The following USP7 variants were observed in gnomAD, a reference collection of about 807,000 sequenced individuals.
USP7 encodes ubiquitin specific peptidase 7.
In USP7, 9 loss-of-function variants were observed where a neutral mutation model predicts 162.9. The observed-to-expected ratio is 0.06, with a 90% confidence interval of 0.03 to 0.10. USP7 has a LOEUF of 0.10. Ranked by LOEUF, USP7 falls within the 10% of genes least tolerant of loss-of-function variation. USP7 has a pLI of 1.00. For synonymous variants in USP7, 562 were observed against 475.9 expected (o/e 1.18, Z -2.35); for missense variants, 715 against 1,373.7 (o/e 0.52, Z 7.58).
At chr16:8,948,909 A>T (rs950870001) in intron 1 of USP7, among the ~76,000 whole-genome samples, 3 of 152,096 alleles carry the variant, frequency 2.0e-5, no homozygotes, top group Non-Finnish European at 2.9e-5. Flanking sequence ...GGCTGCAATG[A>T]GCTATGATCA....
At chr16:8,961,575 A>C (rs1255875279) in intron 1 of USP7, among the ~76,000 whole-genome samples, 1 of 150,762 alleles carries the variant, frequency 6.6e-6, no homozygotes. Context: ...TCTGTAACAC[A>C]CATGCTCTGC....
intron 1 of USP7, chr16:8,962,957 G>T (rs1028345004): frequency 7.0e-5 from 15 of 214,884 alleles, no homozygotes; most frequent in Admixed American, 1.2e-4. Context: ...AGGGCGCTTT[G>T]TGCCGCGGAG....
chr16:8,896,165 G>C (rs1021004632), intron 26 of USP7, among the ~76,000 whole-genome samples: 1 of 147,248 alleles, frequency 6.8e-6, no homozygotes, highest in Admixed American at 6.8e-5. Context: ...TTTTTAAAGA[G>C]GATCTGAAAT....
At chr16:8,905,358 A>C in intron 13 of USP7, 27 bp from the exon 14 acceptor site, 1 of 1,610,422 alleles carries the variant, frequency 6.2e-7, no homozygotes, top group Middle Eastern at 1.7e-4. Flanking sequence ...ACACACCAGC[A>C]GCGATCAAGC....
chr16:8,900,062 T>C (rs1205892678), intron 21 of USP7: 1 of 452,494 alleles, frequency 2.2e-6, no homozygotes, highest in African/African-American at 2.0e-5. Context: ...ACGCAGTGTC[T>C]TGCCCACAGA....
intron 3 of USP7, among the ~76,000 whole-genome samples, chr16:8,921,858 C>T (rs1897710580): frequency 6.6e-6 from 1 of 152,170 alleles, no homozygotes; most frequent in Admixed American, 6.5e-5. Flanking sequence ...GTTCAAAAAC[C>T]ATACATACAG....
chr16:8,956,711 C>T (rs922419636), intron 1 of USP7, among the ~76,000 whole-genome samples: 9 of 151,442 alleles, frequency 5.9e-5, no homozygotes, highest in South Asian at 2.1e-4. Flanking sequence ...TGCAGTGAGC[C>T]GAGATCGTCC....
intron 26 of USP7, 43 bp downstream of exon 26, chr16:8,896,956 A>G: frequency 6.8e-7 from 1 of 1,478,522 alleles, no homozygotes; most frequent in Non-Finnish European, 9.5e-7. Context: ...GTTAACTGCC[A>G]CCCCTAACTG....
chr16:8,895,814 G>C, intron 26 of USP7, 73 bp from the exon 27 acceptor site: 3 of 1,011,736 alleles, frequency 3.0e-6, no homozygotes, highest in Non-Finnish European at 4.2e-6. Context: ...TGGTTTTCTA[G>C]AAAGAAATAA....
chr16:8,938,476 G>T (rs965156507), intron 1 of USP7, among the ~76,000 whole-genome samples: 2 of 152,192 alleles, frequency 1.3e-5, no homozygotes, highest in Non-Finnish European at 2.9e-5. Flanking sequence ...ACTGTAGGAG[G>T]CCGAGGCAGG....
In USP7 at chr16:8,910,801, C is replaced by T. The variant is rs1352445138; in HGVS notation, c.1105G>A (p.Ala369Thr). Residue 369 changes from alanine (A) to threonine (T), a missense_variant, in exon 11 of 31, where the codon GCA (alanine) becomes ACA (threonine). Around this residue, in one of 11 missense-constraint regions of USP7, gnomAD observed 21 missense variants for 23.8 expected, o/e 0.88. Coordinates refer to ENST00000344836, the MANE Select transcript of USP7 (RefSeq NM_003470.3). ...TTGTCCCCATCGAGCTGTTCTACTGCCACATAATCCACAAATGATTCAAAT... is the reference window on the plus strand; with the variant it reads ...TTGTCCCCATCGAGCTGTTCTACTGTCACATAATCCACAAATGATTCAAAT... ...NIFESFVDYV[A>T]VEQLDGDNKY... 12 of 1,613,874 alleles carry T rather than the reference C, an allele frequency of 7.4e-6. No individual in the cohort carries two copies. Among genetic ancestry groups the T allele is most frequent in the Non-Finnish European group, 9.3e-6 (11 of 1,180,008 alleles).
chr16:8,960,312 G>T (rs147036040), intron 1 of USP7, among the ~76,000 whole-genome samples: 200 of 152,166 alleles, frequency 1.3e-3, no homozygotes, highest in African/African-American at 4.4e-3. Flanking sequence ...TTCCCTCTCC[G>T]CACTTCACCC....
intron 24 of USP7, 44 bp downstream of exon 24, chr16:8,898,487 G>C (rs1432228026): frequency 1.2e-6 from 2 of 1,603,426 alleles, no homozygotes; most frequent in Admixed American, 1.7e-5. Context: ...AAAACCCCGA[G>C]CCTTCTCTTT....
intron 23 of USP7, 100 bp downstream of exon 23, chr16:8,899,021 G>A: frequency 7.8e-7 from 1 of 1,282,754 alleles, no homozygotes; most frequent in South Asian, 1.3e-5. Context: ...ACTGTCAGGT[G>A]AAATGGCGAG....
rs796991836 is a variant in USP7 at position 8,919,018 on chromosome 16, A to G, written c.720+13T>C. 2 of 1,612,220 alleles carry G rather than the reference A, an allele frequency of 1.2e-6. No individual in the cohort carries two copies. Among genetic ancestry groups the G allele is most frequent in the Non-Finnish European group, 1.7e-6 (2 of 1,179,300 alleles). ...GAGCGGAAGGCTGCAGGAGAGGAAC[A>G]CTATCCATTTACCTTTCGTAGCTGA... On this transcript the variant is annotated intron_variant, in intron 6 of 30. Coordinates refer to ENST00000344836, the MANE Select transcript of USP7 (RefSeq NM_003470.3).
At chr16:8,955,704 C>CAAAAAAAAAAAAAAAAAAAAAAAAAAAAA (rs58029349) in intron 1 of USP7, among the ~76,000 whole-genome samples, 1 of 100,974 alleles carries the variant, frequency 9.9e-6, no homozygotes, top group African/African-American at 3.4e-5. Context: ...GATTCCATCT[C>CAAAAAAAAAAAAAAAAAAAAAAAAAAAAA]AAAAAAAAAA....
intron 25 of USP7, among the ~76,000 whole-genome samples, chr16:8,897,669 C>A (rs1220489211): frequency 8.7e-6 from 1 of 114,630 alleles, no homozygotes; most frequent in East Asian, 2.7e-4. Context: ...CAAGACCAGT[C>A]TGGGCAATAT....
chr16:8,906,647 T>A, intron 12 of USP7, 65 bp from the exon 13 acceptor site: 1 of 1,497,246 alleles, frequency 6.7e-7, no homozygotes, highest in Non-Finnish European at 9.0e-7. Flanking sequence ...CACTTTACAG[T>A]AAGTAAGGCC....
intron 26 of USP7, among the ~76,000 whole-genome samples, chr16:8,896,059 T>C (rs2061676669): frequency 6.6e-6 from 1 of 151,816 alleles, no homozygotes; most frequent in African/African-American, 2.4e-5. Flanking sequence ...CAGGATGGTC[T>C]CGAACTCCTG....
Sources: allele counts gnomAD v4.1 joint callset (sites outside exome capture counted in the v4.1 genomes callset), GRCh38; gene constraint gnomAD v4.1.1; regional missense constraint gnomAD v4.1.1; transcripts MANE v1.5; gene names NCBI Gene and HGNC (gene_info 2026-07-23, HGNC 2026-07-21).